Variants in STK40 observed in about 807,000 individuals in gnomAD.
The protein encoded by STK40 is serine/threonine kinase 40.
STK40 carries 13 observed loss-of-function variants against 47.9 expected under a neutral mutation model. That is an observed-to-expected ratio of 0.27 (90% confidence interval 0.18 to 0.43). STK40 has a LOEUF of 0.43. STK40 is among the 20% of genes least tolerant of loss of function. The pLI is 1.00. For missense variants in STK40, 460 were observed against 595.1 expected (o/e 0.77, Z 2.36); for synonymous variants, 225 against 243.2 (o/e 0.93, Z 0.69).
At chr1:36,344,030 G>A (rs1452394203) in intron 8 of STK40, 51 bp from the exon 9 acceptor site, 2 of 1,590,618 alleles carry the variant, frequency 1.3e-6, no homozygotes, top group Middle Eastern at 1.7e-4. Context: ...CTGGGTCTGT[G>A]GCCAGGATGC....
At chr1:36,369,994 G>C (rs1250326994) in intron 1 of STK40, among the ~76,000 whole-genome samples, 1 of 152,244 alleles carries the variant, frequency 6.6e-6, no homozygotes, top group African/African-American at 2.4e-5. Flanking sequence ...AGAAAGTACA[G>C]ATGGTCAGAC....
At chr1:36,375,758 C>T (rs929555971) in intron 1 of STK40, among the ~76,000 whole-genome samples, 6 of 152,116 alleles carry the variant, frequency 3.9e-5, no homozygotes, top group Admixed American at 3.9e-4. Flanking sequence ...CGGTGGCTCA[C>T]GCCTGTAATC....
chr1:36,373,113 T>C (rs75018543), intron 1 of STK40, among the ~76,000 whole-genome samples: 6,828 of 152,206 alleles, frequency 0.045, 492 homozygotes, highest in African/African-American at 0.16. Context: ...TTTGTGACTC[T>C]ACACTAGTCA....
chr1:36,342,954 C>T lies in STK40; in HGVS notation c.1089+410G>A, dbSNP rs566606366. The T allele has an allele frequency of 1.2e-5, 7 of 560,190 alleles. No homozygotes were observed. In the African/African-American group the frequency reaches 1.3e-4, roughly 11 times the overall value. 34.7% of individuals were successfully genotyped at this position (560,190 alleles called of 1,614,324 possible). On this transcript the variant is annotated intron_variant, in intron 10 of 10. Transcript: ENST00000373132. ...CTCTGCCCCCACCCTAGGCCCAACA[C>T]TTTCTCCAGTGCAGGGAATGGGGAG...
chr1:36,380,254 C>T (rs1647028256), intron 1 of STK40, among the ~76,000 whole-genome samples: 1 of 152,180 alleles, frequency 6.6e-6, no homozygotes, highest in South Asian at 2.1e-4. Context: ...TTCTCGTTTA[C>T]TTTCTTTACA....
chr1:36,365,129 T>C (rs778319364), intron 1 of STK40, among the ~76,000 whole-genome samples: 6 of 152,170 alleles, frequency 3.9e-5, no homozygotes, highest in Non-Finnish European at 8.8e-5. Flanking sequence ...TAGCTGGGAT[T>C]ACAGGCATGT....
At chr1:36,369,410 A>G (rs1469403900) in intron 1 of STK40, among the ~76,000 whole-genome samples, 1 of 152,116 alleles carries the variant, frequency 6.6e-6, no homozygotes, top group African/African-American at 2.4e-5. Flanking sequence ...CAAGGGCTCC[A>G]TGCTCTTCAG....
intron 10 of STK40, chr1:36,342,241 G>A: frequency 4.0e-6 from 2 of 497,808 alleles, no homozygotes; most frequent in Non-Finnish European, 7.3e-6. Context: ...GGCTGCGTGA[G>A]AGGTCACTTT....
At chr1:36,367,745 C>T (rs746385377) in intron 1 of STK40, 14 of 929,942 alleles carry the variant, frequency 1.5e-5, no homozygotes, top group South Asian at 1.5e-4. Flanking sequence ...TACCCAACTA[C>T]AAAGGAGCTG....
At chr1:36,361,580 G>A (rs1429909259) in intron 1 of STK40, among the ~76,000 whole-genome samples, 1 of 152,192 alleles carries the variant, frequency 6.6e-6, no homozygotes, top group East Asian at 1.9e-4. Context: ...AGGGTACAGA[G>A]GCGGGGAGCC....
chr1:36,369,889 G>C (rs1646930781), intron 1 of STK40, among the ~76,000 whole-genome samples: 1 of 152,232 alleles, frequency 6.6e-6, no homozygotes, highest in East Asian at 1.9e-4. Flanking sequence ...CCCTGCTGGG[G>C]CAGGAGACAG....
intron 1 of STK40, among the ~76,000 whole-genome samples, chr1:36,383,732 G>A (rs1390196980): frequency 2.0e-5 from 3 of 152,126 alleles, no homozygotes; most frequent in Admixed American, 2.0e-4. Context: ...ATTCTTTCAT[G>A]AACCTATACT....
At chr1:36,385,053 A>G (rs1483614734) in intron 1 of STK40, among the ~76,000 whole-genome samples, 4 of 152,240 alleles carry the variant, frequency 2.6e-5, no homozygotes, top group Non-Finnish European at 4.4e-5. Context: ...TGGGGTGGGC[A>G]GAAAACTCGG....
intron 6 of STK40, among the ~76,000 whole-genome samples, chr1:36,350,914 C>T (rs1646746580): frequency 1.3e-5 from 2 of 152,334 alleles, no homozygotes; most frequent in South Asian, 4.1e-4. Context: ...GCTCCAAGTC[C>T]TCCTGAGGTT....
At chr1:36,376,354 G>A (rs923944336) in intron 1 of STK40, among the ~76,000 whole-genome samples, 1 of 152,166 alleles carries the variant, frequency 6.6e-6, no homozygotes, top group Non-Finnish European at 1.5e-5. Flanking sequence ...CTCTGCACAA[G>A]CCCAGAAGGT....
chr1:36,359,975 T>TA (rs557259124), intron 2 of STK40, among the ~76,000 whole-genome samples: 268 of 152,330 alleles, frequency 1.8e-3, no homozygotes, highest in African/African-American at 6.3e-3. Flanking sequence ...TGTCAGCTCA[T>TA]ATGGTGTTTC....
At chr1:36,370,188 T>C (rs1424475478) in intron 1 of STK40, among the ~76,000 whole-genome samples, 3 of 152,262 alleles carry the variant, frequency 2.0e-5, no homozygotes, top group Non-Finnish European at 4.4e-5. Flanking sequence ...GAGCAACCCC[T>C]ACTGAAGAAT....
chr1:36,356,696 T>A (rs139055330), intron 4 of STK40, among the ~76,000 whole-genome samples: 9,135 of 152,038 alleles, frequency 0.06, 867 homozygotes, highest in African/African-American at 0.21. Flanking sequence ...AAGTGCTGGG[T>A]TTACAGGCAT....
rs757638216 is a variant in STK40, at chr1:36,344,100, C to G, written c.884+20G>C. On this transcript the variant is annotated intron_variant, in intron 8 of 10. Transcript: ENST00000373132. Reference sequence around the variant, plus strand: ...CATCAGGCTGGCTGCCCCCCCCACCCCCCGGGAGGCAGGACTCACTCAGGA... The same window carrying G: ...CATCAGGCTGGCTGCCCCCCCCACCGCCCGGGAGGCAGGACTCACTCAGGA... 22 of 1,581,824 alleles carry G rather than the reference C, an allele frequency of 1.4e-5. No homozygotes were observed. The highest frequency in any genetic ancestry group is 4.1e-5 in the African/African-American group (3 of 73,384).
Sources: allele counts gnomAD v4.1 joint callset (sites outside exome capture counted in the v4.1 genomes callset), GRCh38; gene constraint gnomAD v4.1.1; transcripts MANE v1.5; gene names NCBI Gene and HGNC (gene_info 2026-07-23, HGNC 2026-07-21).